The following ASB9 variants were observed in gnomAD, a reference collection of about 807,000 sequenced individuals.
The protein encoded by ASB9 is ankyrin repeat and SOCS box containing 9.
A neutral mutation model predicts 16.6 loss-of-function variants in ASB9; 5 were observed. The ratio of observed to expected loss-of-function variants is 0.30; its 90% CI spans 0.16 to 0.63. The LOEUF is 0.63. ASB9 is among the 30% of genes least tolerant of loss of function. ASB9 has a pLI of 0.82. For synonymous variants in ASB9, 100 were observed against 86.4 expected, an observed-to-expected ratio of 1.16 and a Z score of -0.87; for missense variants, 216 against 229.4, an observed-to-expected ratio of 0.94 and a Z score of 0.38.
At chrX:15,249,071 G>T in intron 5 of ASB9, 136 bp from the exon 6 acceptor site, 1 of 572,855 alleles carries the variant, frequency 1.7e-6, no homozygotes. Context: ...AAAAATGGGA[G>T]ATGATGTGAT....
chrX:15,263,295 G>A (rs1926118605), intron 1 of ASB9, among the ~76,000 whole-genome samples: 1 of 111,290 alleles, frequency 9.0e-6, no homozygotes, highest in Non-Finnish European at 1.9e-5. Flanking sequence ...TCAGTCTTCA[G>A]GACACAATAA....
At chrX:15,250,334 C>G in intron 5 of ASB9, 96 bp downstream of exon 5, 2 of 995,818 alleles carry the variant, frequency 2.0e-6, no homozygotes, top group Admixed American at 5.3e-5. Context: ...ACTCCATTGC[C>G]CACACTAATT....
intron 5 of ASB9, among the ~76,000 whole-genome samples, chrX:15,249,806 T>A (rs755718031): frequency 9.0e-6 from 1 of 111,496 alleles, no homozygotes; most frequent in South Asian, 3.8e-4. Context: ...TAGCAATGCC[T>A]GCCAGATGAG....
rs1418797208 is a variant in ASB9 at position 15,244,041 on chromosome X, G to C, written c.*465C>G. The C allele has an allele frequency of 8.7e-6, 1 of 115,389 alleles. No individual in the cohort carries two copies. The allele number at this position is 115,389 out of a possible 1,213,427, so 9.5% of individuals were successfully genotyped here. ...TTTTCATTCCCATATAGCAGAGATG[G>C]AACCAGGACAGTGATGCTGGAAAAG... is the stretch of plus-strand genomic sequence containing the variant. On this transcript the variant is annotated 3_prime_UTR_variant, in exon 7 of 7. Transcript: ENST00000380488.
At chrX:15,255,230 T>C (rs1393271962) in intron 2 of ASB9, among the ~76,000 whole-genome samples, 2 of 111,818 alleles carry the variant, frequency 1.8e-5, no homozygotes, top group Non-Finnish European at 3.8e-5. Flanking sequence ...AACTTTGGTA[T>C]AATCTTTCAG....
At position 15,264,360 on chromosome X, in the gene ASB9, CG is replaced by C. The variant is rs1926218384; in HGVS notation, c.95-5416del. Among the ~76,000 whole-genome samples, 3 of 111,546 alleles carry C rather than the reference CG, an allele frequency of 2.7e-5. No homozygotes were observed. The South Asian group carries it at 1.1e-3, about 42-fold the overall frequency. On this transcript the variant is annotated intron_variant, in intron 1 of 6. Coordinates refer to ENST00000380488, the MANE Select transcript of ASB9 (RefSeq NM_001031739.3). The stretch of plus-strand genomic sequence containing the variant: ...ACTAATAAGGTCACATTCTGAGGCA[CG>C]GGGGTTAAGAACTTAACCATATATA...
At chrX:15,268,948 G>A (rs1198576318) in intron 1 of ASB9, among the ~76,000 whole-genome samples, 1 of 111,325 alleles carries the variant, frequency 9.0e-6, no homozygotes, top group Non-Finnish European at 1.9e-5. Flanking sequence ...GTGAACAACA[G>A]TTGCAGAAAG....
rs1301642435 is a variant in ASB9 at position 15,250,363 on chromosome X, G to A, written c.568+67C>T. Reference sequence around the variant, plus strand: ...ACTAATTTCTCTCCTACAGCAGTAAGATGTTTAAAATACATTTAATTTACT... The same window carrying A: ...ACTAATTTCTCTCCTACAGCAGTAAAATGTTTAAAATACATTTAATTTACT... On this transcript the variant is annotated intron_variant, in intron 5 of 6. Coordinates refer to ENST00000380488, the MANE Select transcript of ASB9 (RefSeq NM_001031739.3). The A allele has an allele frequency of 9.8e-6, 11 of 1,124,000 alleles. No homozygotes were observed. The African/African-American group carries it at 1.8e-4, about 18-fold the overall frequency. The allele number at this position is 1,124,000 out of a possible 1,213,427, so 92.6% of individuals were successfully genotyped here.
intron 2 of ASB9, among the ~76,000 whole-genome samples, chrX:15,255,343 T>C (rs1278861059): frequency 8.9e-6 from 1 of 111,950 alleles, no homozygotes; most frequent in Non-Finnish European, 1.9e-5. Context: ...GCATACACAC[T>C]GAATGATTAC....
chrX:15,248,657 G>A (rs1924859240), intron 6 of ASB9, 87 bp downstream of exon 6: 3 of 1,126,611 alleles, frequency 2.7e-6, no homozygotes, highest in East Asian at 3.0e-5. Flanking sequence ...TATAGGAATG[G>A]GAGCCAGAAA....
rs186394133 is a variant in ASB9 at position 15,246,024 on chromosome X, G to T, written c.761-1394C>A. Reference sequence around the variant, plus strand: ...CAGTGTTCTCAAGGCACATATTAACGAGCAGCAAAAAGCACACTGTGGGGA... The same window carrying T: ...CAGTGTTCTCAAGGCACATATTAACTAGCAGCAAAAAGCACACTGTGGGGA... On this transcript the variant is annotated intron_variant, in intron 6 of 6. Coordinates refer to ENST00000380488, the MANE Select transcript of ASB9 (RefSeq NM_001031739.3). Among the ~76,000 whole-genome samples the T allele has an allele frequency of 7.2e-5, 8 of 111,667 alleles. No homozygotes were observed. In the East Asian group the frequency reaches 2.0e-3, roughly 27 times the overall value.
At chrX:15,263,095 T>A (rs760014153) in intron 1 of ASB9, among the ~76,000 whole-genome samples, 1 of 112,225 alleles carries the variant, frequency 8.9e-6, no homozygotes, top group East Asian at 2.8e-4. Flanking sequence ...ATTTTTTTCA[T>A]TTCCATTATT....
intron 3 of ASB9, among the ~76,000 whole-genome samples, chrX:15,252,839 A>T (rs1453085305): frequency 9.8e-5 from 11 of 112,667 alleles, no homozygotes; most frequent in Non-Finnish European, 1.9e-4. Flanking sequence ...AGAAAACTTT[A>T]AAAAACTTGA....
Position 15,254,741 on chromosome X carries a change from G to A in ASB9, c.278C>T (p.Ala93Val). ...SCVKILLKHG[A>V]QVNGVTADWH... Reference sequence around the variant, plus strand: ...TGTTGTTTCAGCTGCCCTTACCTGAGCTCCATGCTTTAATAAAATCTTCAC... The same window carrying A: ...TGTTGTTTCAGCTGCCCTTACCTGAACTCCATGCTTTAATAAAATCTTCAC... Residue 93 changes from alanine to valine, a missense_variant, in exon 3 of 7, where the codon GCT (alanine) becomes GTT (valine). Transcript: ENST00000380488. 1 of 1,203,542 alleles carries A rather than the reference G, an allele frequency of 8.3e-7. No homozygotes were observed. Among genetic ancestry groups the A allele is most frequent in the Non-Finnish European group, 1.1e-6 (1 of 888,279 alleles).
At chrX:15,262,839 C>T (rs2147655077) in intron 1 of ASB9, among the ~76,000 whole-genome samples, 1 of 111,888 alleles carries the variant, frequency 8.9e-6, no homozygotes, top group Non-Finnish European at 1.9e-5. Context: ...ACCATGTTGG[C>T]CAGGCTGGTC....
intron 1 of ASB9, among the ~76,000 whole-genome samples, chrX:15,267,167 G>A (rs1170705617): frequency 8.9e-6 from 1 of 112,019 alleles, no homozygotes; most frequent in East Asian, 2.8e-4. Flanking sequence ...AGGCCGAGGC[G>A]GGCAGACTTC....
At chrX:15,250,143 G>C (rs974250431) in intron 5 of ASB9, among the ~76,000 whole-genome samples, 1 of 111,158 alleles carries the variant, frequency 9.0e-6, no homozygotes, top group African/African-American at 3.3e-5. Flanking sequence ...GGAGACAGAG[G>C]AAAGGGAGGA....
intron 1 of ASB9, among the ~76,000 whole-genome samples, chrX:15,269,332 AGTCTCTTTT>A (rs765553778): frequency 1.8e-5 from 2 of 112,071 alleles, no homozygotes; most frequent in Non-Finnish European, 3.8e-5. Flanking sequence ...AGTAAAACAA[AGTCTCTTTT>A]GTCTCTTTTG....
chrX:15,269,731 G>T (rs777089035), intron 1 of ASB9, 50 bp downstream of exon 1: 4 of 1,094,084 alleles, frequency 3.7e-6, no homozygotes, highest in Middle Eastern at 2.5e-4. Flanking sequence ...CCTCTCCTAA[G>T]CACATTAGCC....
Sources: allele counts gnomAD v4.1 joint callset (sites outside exome capture counted in the v4.1 genomes callset), GRCh38; gene constraint gnomAD v4.1.1; transcripts MANE v1.5; gene names NCBI Gene and HGNC (gene_info 2026-07-23, HGNC 2026-07-21).